The following ARHGEF10L variants were observed in gnomAD, a reference collection of about 807,000 sequenced individuals.
ARHGEF10L encodes Rho guanine nucleotide exchange factor 10 like.
Under a neutral mutation model 141.2 loss-of-function variants are expected in ARHGEF10L, and 69 were observed. The observed-to-expected ratio is 0.49, with a 90% confidence interval of 0.40 to 0.60. The LOEUF is 0.60. Ranked by LOEUF, ARHGEF10L falls within the 20% of genes least tolerant of loss-of-function variation. The pLI is 0.00. For synonymous variants in ARHGEF10L, 711 were observed against 718.5 expected, an observed-to-expected ratio of 0.99 and a Z score of 0.17; for missense variants, 1,482 against 1,734.3, an observed-to-expected ratio of 0.85 and a Z score of 2.58.
chr1:17,630,381 T>G (rs2060611818), intron 15 of ARHGEF10L, among the ~76,000 whole-genome samples: 2 of 152,212 alleles, frequency 1.3e-5, no homozygotes, highest in Admixed American at 1.3e-4. Context: ...TCTTCCAAGT[T>G]TTGGGTCATG....
chr1:17,583,475 T>C (rs1025498875), intron 2 of ARHGEF10L, among the ~76,000 whole-genome samples: 2 of 152,228 alleles, frequency 1.3e-5, no homozygotes, highest in Non-Finnish European at 2.9e-5. Flanking sequence ...GCACGCACCC[T>C]GCACCAGGTG....
rs1024986929 is a variant in ARHGEF10L, at chr1:17,654,781, G to T, written c.2481+59G>T. The stretch of plus-strand genomic sequence containing the variant: ...GCCTCAGGACAGGAGTAGGGAGAGC[G>T]GCACCTGGGAGGGGGTGCTGGAGAC... On this transcript the variant is annotated intron_variant, in intron 23 of 28. Transcript: ENST00000361221. This position sits in a 1 kb window ranked among gnomAD's most constrained non-coding sequence, Gnocchi z 4.3. 2 of 1,491,692 alleles carry T rather than the reference G, an allele frequency of 1.3e-6. No individual in the cohort carries two copies. Among genetic ancestry groups the T allele is most frequent in the Non-Finnish European group, 9.3e-7 (1 of 1,074,014 alleles). The allele number at this position is 1,491,692 out of a possible 1,614,324, so 92.4% of individuals were successfully genotyped here. A position where few individuals can be genotyped will look rare whatever the true frequency, so the allele number is the denominator to read the frequency against.
At chr1:17,690,513 C>A (rs908781284) in intron 27 of ARHGEF10L, among the ~76,000 whole-genome samples, 1 of 152,270 alleles carries the variant, frequency 6.6e-6, no homozygotes, top group Non-Finnish European at 1.5e-5. Flanking sequence ...CCTCCTAAGA[C>A]CCTCCAGGTC....
intron 4 of ARHGEF10L, among the ~76,000 whole-genome samples, chr1:17,596,883 C>T (rs2080161526): frequency 6.6e-6 from 1 of 152,186 alleles, no homozygotes; most frequent in African/African-American, 2.4e-5. Context: ...GAAACCCTGT[C>T]TCAACTAAAA....
the ARHGEF10L span, among the ~76,000 whole-genome samples, chr1:17,520,527 G>A: frequency 1.3e-5 from 2 of 152,194 alleles, no homozygotes; most frequent in African/African-American, 4.8e-5. Context: ...TTTGGAGGTC[G>A]TGGGGGAGGG....
intron 9 of ARHGEF10L, among the ~76,000 whole-genome samples, chr1:17,618,976 G>A (rs1426198705): frequency 1.3e-5 from 2 of 152,198 alleles, no homozygotes; most frequent in Non-Finnish European, 2.9e-5. Context: ...CCTAGTGATG[G>A]GGACATGGGC....
In ARHGEF10L at chr1:17,616,211, C is replaced by T. The variant is rs1247408006; in HGVS notation, c.835+9C>T. 6.4e-7 allele frequency: 1 copy of T among 1,557,374 alleles called. No individual in the cohort carries two copies. The highest frequency in any genetic ancestry group is 8.7e-7 in the Non-Finnish European group (1 of 1,144,634). On this transcript the variant is annotated intron_variant, in intron 9 of 28. Transcript: ENST00000361221. The stretch of plus-strand genomic sequence containing the variant: ...CAGGAAGGACGTCCTCGGTGAGGCG[C>T]TGCCCGAGCGGGAGGGTCTGGTGCC...
At chr1:17,648,169 T>C (rs2061705809) in intron 21 of ARHGEF10L, among the ~76,000 whole-genome samples, 1 of 152,240 alleles carries the variant, frequency 6.6e-6, no homozygotes, top group African/African-American at 2.4e-5. Context: ...CTGTTCAGCA[T>C]CTTAACATTT....
chr1:17,624,527 G>C, intron 13 of ARHGEF10L, 24 bp downstream of exon 13: 1 of 1,594,620 alleles, frequency 6.3e-7, no homozygotes, highest in Non-Finnish European at 8.6e-7. Flanking sequence ...GTGGTACCGT[G>C]CCTGGTCAGG....
At chr1:17,686,681 C>T (rs367974536) in intron 26 of ARHGEF10L, among the ~76,000 whole-genome samples, 18 of 152,168 alleles carry the variant, frequency 1.2e-4, no homozygotes, top group African/African-American at 3.6e-4. Context: ...TGGCCTGAAA[C>T]GTAGGGAGCC....
rs2062114158 is a variant in ARHGEF10L at position 17,654,548 on chromosome 1, G to A, written c.2395-88G>A. On this transcript the variant is annotated intron_variant, in intron 22 of 28. Coordinates refer to ENST00000361221, the MANE Select transcript of ARHGEF10L (RefSeq NM_018125.4). This position sits in a 1 kb window ranked among gnomAD's most constrained non-coding sequence, Gnocchi z 4.3. The stretch of plus-strand genomic sequence containing the variant: ...ACCCACAGGGATTCTAATCCAGGGA[G>A]AGTTGGATGGGGCCCAGGAATCTGC... 8.8e-7 allele frequency: 1 copy of A among 1,138,858 alleles called. No individual in the cohort carries two copies. Among genetic ancestry groups the A allele is most frequent in the Non-Finnish European group, 1.3e-6 (1 of 748,078 alleles). 70.5% of individuals were successfully genotyped at this position (1,138,858 alleles called of 1,614,324 possible). A position where few individuals can be genotyped will look rare whatever the true frequency, so the allele number is the denominator to read the frequency against.
At chr1:17,687,867 T>C (rs550760796) in intron 27 of ARHGEF10L, 120 bp downstream of exon 27, 1 of 1,118,024 alleles carries the variant, frequency 8.9e-7, no homozygotes, top group Non-Finnish European at 1.2e-6. Flanking sequence ...ACTGGGGCTT[T>C]AATTTGGGGC....
chr1:17,531,704 C>A, the ARHGEF10L span, among the ~76,000 whole-genome samples: 1 of 152,144 alleles, frequency 6.6e-6, no homozygotes, highest in African/African-American at 2.4e-5. Flanking sequence ...TGTTAATGAG[C>A]TCTGGGGCTG....
chr1:17,578,437 C>T (rs975169260), intron 1 of ARHGEF10L, among the ~76,000 whole-genome samples: 1 of 152,206 alleles, frequency 6.6e-6, no homozygotes, highest in Non-Finnish European at 1.5e-5. Context: ...GTGATCCCAG[C>T]ACTTGTTGAG....
chr1:17,650,732 C>CAAAAAAAAA, intron 22 of ARHGEF10L, among the ~76,000 whole-genome samples: 1 of 77,912 alleles, frequency 1.3e-5, no homozygotes, highest in Non-Finnish European at 2.5e-5. Context: ...GACCCTGTCT[C>CAAAAAAAAA]AAAAAAAAAA....
intron 25 of ARHGEF10L, among the ~76,000 whole-genome samples, chr1:17,658,609 G>GGCGT (rs1407152571): frequency 1.3e-5 from 2 of 152,056 alleles, no homozygotes; most frequent in Non-Finnish European, 2.9e-5. Flanking sequence ...TTGCAAACAT[G>GGCGT]TGTGTACCAA....
At chr1:17,613,529 A>T (rs1336363018) in intron 8 of ARHGEF10L, among the ~76,000 whole-genome samples, 1 of 152,102 alleles carries the variant, frequency 6.6e-6, no homozygotes, top group East Asian at 1.9e-4. Context: ...CAAGGGTGCC[A>T]CTTACGTAGG....
chr1:17,560,857 G>A (rs755829844), intron 1 of ARHGEF10L, among the ~76,000 whole-genome samples: 2 of 152,224 alleles, frequency 1.3e-5, no homozygotes, highest in Admixed American at 6.5e-5. Context: ...GAGCCACTGC[G>A]CCTGGCCCTC....
At position 17,603,825 on chromosome 1, in the gene ARHGEF10L, TC is replaced by T. The variant is rs887379923; in HGVS notation, c.433+238del. The stretch of plus-strand genomic sequence containing the variant: ...GGCAGGGCCATGCTCCGGCTATGGG[TC>T]CCCGGGCAGGTAATCACCTTTCTAA... On this transcript the variant is annotated intron_variant, in intron 6 of 28. Coordinates refer to ENST00000361221, the MANE Select transcript of ARHGEF10L (RefSeq NM_018125.4). The surrounding 1 kb of genome is among the most constrained non-coding windows in gnomAD (Gnocchi z 4.8). Among the ~76,000 whole-genome samples the T allele has an allele frequency of 6.6e-6, 1 of 152,190 alleles. No individual in the cohort carries two copies. Among genetic ancestry groups the T allele is most frequent in the African/African-American group, 2.4e-5 (1 of 41,458 alleles).
Sources: gnomAD v4.1 joint callset for allele counts (sites outside exome capture counted in the v4.1 genomes callset) on GRCh38, gnomAD v4.1.1 for gene constraint, Gnocchi (gnomAD v3.1) non-coding constraint, MANE v1.5 for transcripts, NCBI Gene and HGNC (gene_info 2026-07-23, HGNC 2026-07-21) for gene names.